The following GRID2 variants were observed in gnomAD, a reference collection of about 807,000 sequenced individuals.
GRID2 encodes the protein glutamate ionotropic receptor delta type subunit 2.
A neutral mutation model predicts 114.8 loss-of-function variants in GRID2; 33 were observed. The observed-to-expected ratio is 0.29, with a 90% confidence interval of 0.22 to 0.38. The LOEUF (loss-of-function observed/expected upper bound fraction) is 0.38, where lower values mean the gene tolerates loss of function less well. Ranked by LOEUF, GRID2 falls within the 10% of genes least tolerant of loss-of-function variation. GRID2 has a pLI of 1.00. For synonymous variants in GRID2, 505 were observed against 449.9 expected (o/e 1.12, Z -1.55); for missense variants, 1,184 against 1,257.7 (o/e 0.94, Z 0.89).
intron 3 of GRID2, among the ~76,000 whole-genome samples, chr4:93,108,944 A>G (rs2149349450): frequency 6.6e-6 from 1 of 152,210 alleles, no homozygotes. Flanking sequence ...CATGTATTCT[A>G]AAGGTATATT....
intron 7 of GRID2, among the ~76,000 whole-genome samples, chr4:93,230,581 T>G (rs925278274): frequency 3.3e-5 from 5 of 152,166 alleles, no homozygotes; most frequent in Non-Finnish European, 7.4e-5. Flanking sequence ...ACCTTTTTAT[T>G]CTATTTTTAG....
intron 1 of GRID2, among the ~76,000 whole-genome samples, chr4:92,570,315 G>A (rs750984903): frequency 6.6e-6 from 1 of 151,864 alleles, no homozygotes; most frequent in Admixed American, 6.6e-5. Flanking sequence ...ATTGGTCTAT[G>A]TGTCTGTTTC....
At chr4:92,702,518 G>A (rs1432925833) in intron 2 of GRID2, 2 of 151,960 alleles carry the variant, frequency 1.3e-5, no homozygotes, top group African/African-American at 2.4e-5. Flanking sequence ...TCACTAAAGA[G>A]ACCCTAAAAC....
chr4:93,188,974 G>C (rs1459114121), intron 4 of GRID2, among the ~76,000 whole-genome samples: 1 of 152,010 alleles, frequency 6.6e-6, no homozygotes. Flanking sequence ...AACCATTTAG[G>C]TAATCTCTAA....
chr4:92,461,005 T>G (rs948576790), intron 1 of GRID2, among the ~76,000 whole-genome samples: 3 of 151,788 alleles, frequency 2.0e-5, no homozygotes, highest in African/African-American at 7.2e-5. Flanking sequence ...ATGTATCTAT[T>G]TTACCACATA....
At chr4:93,004,158 T>G (rs910274275) in intron 2 of GRID2, among the ~76,000 whole-genome samples, 11 of 151,938 alleles carry the variant, frequency 7.2e-5, no homozygotes, top group Admixed American at 1.3e-4. Context: ...GAGAGGCTGA[T>G]AAAAGATTAT....
intron 2 of GRID2, among the ~76,000 whole-genome samples, chr4:92,826,903 C>A (rs1348152229): frequency 6.6e-6 from 1 of 151,986 alleles, no homozygotes; most frequent in African/African-American, 2.4e-5. Context: ...CAAGTGTTCT[C>A]ATGGTGTGGC....
chr4:93,442,210 A>C (rs535004022), intron 10 of GRID2, among the ~76,000 whole-genome samples: 1 of 152,048 alleles, frequency 6.6e-6, no homozygotes, highest in African/African-American at 2.4e-5. Context: ...ACTCAATTCT[A>C]GTTCTTTTAT....
rs1728189250 is a variant in GRID2 at position 93,065,124 on chromosome 4, T to C, written c.245-19871T>C. On this transcript the variant is annotated intron_variant, in intron 2 of 15. Transcript: ENST00000282020. ...AATTTAAAAAATATTTTTGAGATCA[T>C]ACTAGTAAATTTTGTTTGCATTTTT... Among the ~76,000 whole-genome samples, 4 of 151,958 alleles carry C rather than the reference T, an allele frequency of 2.6e-5. No individual in the cohort carries two copies. The East Asian group carries it at 7.7e-4, about 29-fold the overall frequency.
At chr4:93,319,248 A>G (rs890668851) in intron 8 of GRID2, among the ~76,000 whole-genome samples, 4 of 152,136 alleles carry the variant, frequency 2.6e-5, no homozygotes, top group African/African-American at 9.7e-5. Flanking sequence ...ACACAGAGCC[A>G]TTCAATATGT....
intron 3 of GRID2, 52 bp downstream of exon 3, chr4:93,085,331 G>A: frequency 7.4e-7 from 1 of 1,353,104 alleles, no homozygotes; most frequent in Non-Finnish European, 1.1e-6. Flanking sequence ...TGCATGAGAA[G>A]CAAATTCATT....
intron 13 of GRID2, among the ~76,000 whole-genome samples, chr4:93,612,253 G>T (rs1741017879): frequency 6.7e-6 from 1 of 149,230 alleles, no homozygotes; most frequent in Non-Finnish European, 1.5e-5. Context: ...GATGGGTCTT[G>T]ACTCTTTATC....
intron 4 of GRID2, among the ~76,000 whole-genome samples, chr4:93,125,623 A>G (rs1399575899): frequency 6.6e-6 from 1 of 152,126 alleles, no homozygotes; most frequent in Non-Finnish European, 1.5e-5. Flanking sequence ...ATTGTGTAGA[A>G]ATTACTTTTT....
At chr4:93,145,471 A>T (rs2870683) in intron 4 of GRID2, among the ~76,000 whole-genome samples, 115,433 of 144,600 alleles carry the variant, frequency 0.8, 46,115 homozygotes, top group Middle Eastern at 0.86. Flanking sequence ...TTATTTATTT[A>T]TTTTTTTTTG....
chr4:92,620,922 C>T (rs1338727228), intron 2 of GRID2, among the ~76,000 whole-genome samples: 1 of 148,826 alleles, frequency 6.7e-6, no homozygotes, highest in Non-Finnish European at 1.5e-5. Flanking sequence ...TGCACATGTA[C>T]CCTAAAACTT....
chr4:93,547,738 T>C (rs1414218282), intron 13 of GRID2, among the ~76,000 whole-genome samples: 2 of 152,142 alleles, frequency 1.3e-5, no homozygotes, highest in African/African-American at 4.8e-5. Flanking sequence ...TTCAAACCCA[T>C]GCAGTTTGAC....
chr4:93,708,040 CT>C (rs1219650528), intron 14 of GRID2, among the ~76,000 whole-genome samples: 1 of 151,684 alleles, frequency 6.6e-6, no homozygotes, highest in Non-Finnish European at 1.5e-5. Flanking sequence ...TGATTCTATC[CT>C]TGTCAGAAAA....
At chr4:93,774,603 T>C (rs1734316929), downstream of GRID2, 1 of 152,186 alleles carries the variant, frequency 6.6e-6, no homozygotes, top group Non-Finnish European at 1.5e-5. Flanking sequence ...TTGAAAATGT[T>C]TACTCTCTCA....
At chr4:92,730,597 A>G (rs1346259270) in intron 2 of GRID2, among the ~76,000 whole-genome samples, 1 of 151,998 alleles carries the variant, frequency 6.6e-6, no homozygotes, top group Non-Finnish European at 1.5e-5. Flanking sequence ...AGTCCATGCT[A>G]AGTGAGTAAA....
Sources: allele counts gnomAD v4.1 joint callset (sites outside exome capture counted in the v4.1 genomes callset), GRCh38; gene constraint gnomAD v4.1.1; transcripts MANE v1.5; gene names NCBI Gene and HGNC (gene_info 2026-07-23, HGNC 2026-07-21).